FRMPD4: variants seen among roughly 807,000 people sequenced by gnomAD.
The protein encoded by FRMPD4 is FERM and PDZ domain-containing protein 4.
A neutral mutation model predicts 94.1 loss-of-function variants in FRMPD4; 22 were observed. That is an observed-to-expected ratio of 0.23 (90% CI 0.17 to 0.33). The LOEUF is 0.33. Ranked by LOEUF, FRMPD4 falls within the 10% of genes least tolerant of loss-of-function variation. The pLI, the probability that FRMPD4 is intolerant of heterozygous loss-of-function variation, is 1.00. For missense variants in FRMPD4, 1,111 were observed against 1,339.9 expected, an observed-to-expected ratio of 0.83 and a Z score of 2.67; for synonymous variants, 631 against 548.6, an observed-to-expected ratio of 1.15 and a Z score of -2.10.
At chrX:11,902,490 C>G (rs2053943833) in intron 3 of FRMPD4, among the ~76,000 whole-genome samples, 1 of 111,739 alleles carries the variant, frequency 8.9e-6, no homozygotes, top group Non-Finnish European at 1.9e-5. Context: ...TCGTCTTCTT[C>G]TTATAAGGAT....
intron 1 of FRMPD4, among the ~76,000 whole-genome samples, chrX:12,367,387 C>T (rs2056099157): frequency 8.9e-6 from 1 of 112,431 alleles, no homozygotes; most frequent in Non-Finnish European, 1.9e-5. Context: ...CTTCACATTT[C>T]ATGCTAATGA....
intron 3 of FRMPD4, among the ~76,000 whole-genome samples, chrX:11,984,167 C>T (rs1035668188): frequency 3.6e-5 from 4 of 112,360 alleles, no homozygotes; most frequent in Non-Finnish European, 5.6e-5. Context: ...GACTCTCCAA[C>T]GAAGTTTTCC....
intron 2 of FRMPD4, among the ~76,000 whole-genome samples, chrX:12,532,287 T>A (rs756967848): frequency 8.9e-6 from 1 of 111,956 alleles, no homozygotes; most frequent in South Asian, 3.8e-4. Context: ...TTAAAATTAA[T>A]TATGTAGAGG....
chrX:12,636,144 A>C (rs768343027), intron 4 of FRMPD4, among the ~76,000 whole-genome samples: 1 of 112,407 alleles, frequency 8.9e-6, no homozygotes, highest in African/African-American at 3.2e-5. Flanking sequence ...CCATGGTCTC[A>C]TAAAATAATT....
At position 12,212,209 on chromosome X, in the gene FRMPD4, T is replaced by TA. The variant is rs909300611; in HGVS notation, c.41+73208dup. On this transcript the variant is annotated intron_variant, in intron 1 of 16. Coordinates refer to ENST00000675598, the MANE Select transcript of FRMPD4 (RefSeq NM_001368397.1). ...AAAAGAAAACAACCATTTAAAAATG[T>TA]AAAAAAAAAAATTTTAACCCTCTGG... Among the ~76,000 whole-genome samples the TA allele has an allele frequency of 1.5e-4, 16 of 107,410 alleles. No individual in the cohort carries two copies. The South Asian group carries it at 2.4e-3, about 16-fold the overall frequency. The allele number at this position is 107,410 out of a possible 115,157, so 93.3% of individuals were successfully genotyped here.
At chrX:11,862,330 G>C (rs770202063) in intron 1 of FRMPD4, among the ~76,000 whole-genome samples, 1 of 111,279 alleles carries the variant, frequency 9.0e-6, no homozygotes, top group East Asian at 2.8e-4. Flanking sequence ...GGTCTTTGGG[G>C]CTCATATGGG....
chrX:12,666,435 A>G (rs763953964), intron 4 of FRMPD4, among the ~76,000 whole-genome samples: 53 of 111,625 alleles, frequency 4.7e-4, no homozygotes, highest in African/African-American at 1.6e-3. Context: ...TGGACCTAAT[A>G]CACATCTACA....
At chrX:12,341,973 T>C (rs2055621918) in intron 1 of FRMPD4, among the ~76,000 whole-genome samples, 1 of 112,072 alleles carries the variant, frequency 8.9e-6, no homozygotes, top group African/African-American at 3.2e-5. Flanking sequence ...ATTGCCAAAA[T>C]ACTGATTTCT....
At chrX:11,967,193 C>T (rs1330121512) in intron 3 of FRMPD4, among the ~76,000 whole-genome samples, 1 of 112,218 alleles carries the variant, frequency 8.9e-6, no homozygotes, top group African/African-American at 3.2e-5. Flanking sequence ...TCAAGCAATC[C>T]TTTCCCCTCA....
At chrX:12,001,294 T>C (rs1180539703) in intron 3 of FRMPD4, among the ~76,000 whole-genome samples, 1 of 112,240 alleles carries the variant, frequency 8.9e-6, no homozygotes, top group Non-Finnish European at 1.9e-5. Flanking sequence ...TATTATATGA[T>C]TCCTAACACT....
At chrX:12,078,499 T>G (rs1006815626) in intron 3 of FRMPD4, among the ~76,000 whole-genome samples, 5 of 111,752 alleles carry the variant, frequency 4.5e-5, no homozygotes, top group African/African-American at 1.6e-4. Context: ...CTAAAGACTC[T>G]GCAACCCTCT....
chrX:12,684,501 G>A (rs749462100), intron 6 of FRMPD4, among the ~76,000 whole-genome samples: 2 of 111,729 alleles, frequency 1.8e-5, no homozygotes, highest in Non-Finnish European at 3.8e-5. Context: ...ATCTAGGGCT[G>A]CTCCACTTGG....
At chrX:12,136,510 T>A (rs7051920), upstream of FRMPD4, among the ~76,000 whole-genome samples, 6,326 of 110,762 alleles carry the variant, frequency 0.057, 446 homozygotes, top group African/African-American at 0.2. Context: ...GTGGTATTGG[T>A]GCATACATTT....
At chrX:12,413,075 T>A (rs1436387082) in intron 1 of FRMPD4, among the ~76,000 whole-genome samples, 2 of 111,427 alleles carry the variant, frequency 1.8e-5, no homozygotes, top group Non-Finnish European at 3.8e-5. Flanking sequence ...CTACACCACA[T>A]CATTGTATGC....
intron 1 of FRMPD4, among the ~76,000 whole-genome samples, chrX:12,269,779 A>C (rs1458560607): frequency 8.9e-6 from 1 of 111,975 alleles, no homozygotes; most frequent in Admixed American, 9.5e-5. Context: ...ATCTGGCTCC[A>C]AATGTCAATA....
rs1475849879 is a variant in FRMPD4 at position 12,665,798 on chromosome X, C to G, written c.423-9065C>G. On this transcript the variant is annotated intron_variant, in intron 4 of 16. Transcript: ENST00000675598. ...AAGCACTAAATATGGATAGGAAAAA[C>G]TGATACCAGCTACTGCAAAACATAC... 2.7e-5 allele frequency among the ~76,000 whole-genome samples: 3 copies of G among 112,017 alleles called. No homozygotes were observed. In the Admixed American group the frequency reaches 2.9e-4, roughly 11 times the overall value.
chrX:12,269,124 T>A (rs1165041270), intron 1 of FRMPD4, among the ~76,000 whole-genome samples: 8 of 111,642 alleles, frequency 7.2e-5, no homozygotes, highest in African/African-American at 2.6e-4. Context: ...TTTACCAGTG[T>A]GAAAAGGCTG....
At chrX:12,688,977 T>C (rs1368855479) in intron 7 of FRMPD4, among the ~76,000 whole-genome samples, 3 of 110,569 alleles carry the variant, frequency 2.7e-5, no homozygotes, top group African/African-American at 9.9e-5. Flanking sequence ...AAATCATTCT[T>C]TACTGTGGGG....
intron 3 of FRMPD4, among the ~76,000 whole-genome samples, chrX:12,071,425 AAC>A (rs2054967499): frequency 8.9e-6 from 1 of 112,058 alleles, no homozygotes. Flanking sequence ...TGCAGAACTT[AAC>A]TCTTTATAAG....
Sources: allele counts gnomAD v4.1 joint callset (sites outside exome capture counted in the v4.1 genomes callset), GRCh38; gene constraint gnomAD v4.1.1; transcripts MANE v1.5; gene names NCBI Gene and HGNC (gene_info 2026-07-23, HGNC 2026-07-21).